The following MITF variants were observed in gnomAD, a reference collection of about 807,000 sequenced individuals.
MITF encodes microphthalmia-associated transcription factor.
In MITF, 17 loss-of-function variants were observed where a neutral mutation model predicts 60.5. The observed-to-expected ratio is 0.28, with a 90% CI of 0.19 to 0.42. The LOEUF (loss-of-function observed/expected upper bound fraction) is 0.42, where lower values mean the gene tolerates loss of function less well. Among genes scored for constraint, MITF ranks in the 10% least tolerant of loss-of-function variants. The pLI, the probability that MITF is intolerant of heterozygous loss-of-function variation, is 1.00. For synonymous variants in MITF, 260 were observed against 248.5 expected (o/e 1.05, Z -0.43); for missense variants, 622 against 683.5 (o/e 0.91, Z 1.00).
chr3:69,936,697 G>A, intron 2 of MITF: 2 of 1,613,312 alleles, frequency 1.2e-6, no homozygotes, highest in South Asian at 1.1e-5. Context: ...GTCTCTCACT[G>A]GATTGGTGCC....
chr3:69,824,457 T>A (rs1158214452), intron 1 of MITF, among the ~76,000 whole-genome samples: 1 of 152,190 alleles, frequency 6.6e-6, no homozygotes, highest in Non-Finnish European at 1.5e-5. Context: ...CCCTTTATTG[T>A]CTGCTCTGTG....
chr3:69,939,076 G>A, intron 3 of MITF, 22 bp from the exon 4 acceptor site: 1 of 1,613,042 alleles, frequency 6.2e-7, no homozygotes, highest in Non-Finnish European at 8.5e-7. Context: ...GTTATAGACT[G>A]TTTTTGCTTG....
intron 1 of MITF, among the ~76,000 whole-genome samples, chr3:69,790,511 A>G (rs1352958826): frequency 6.6e-6 from 1 of 152,190 alleles, no homozygotes; most frequent in East Asian, 1.9e-4. Flanking sequence ...TTTTACCACA[A>G]TTTTAAAAAT....
intron 1 of MITF, among the ~76,000 whole-genome samples, chr3:69,816,161 A>C (rs113441883): frequency 6.6e-6 from 1 of 152,058 alleles, no homozygotes. Flanking sequence ...GTGACATCTC[A>C]CCCTCTGCAT....
At chr3:69,893,050 G>A (rs998027402) in intron 2 of MITF, among the ~76,000 whole-genome samples, 1 of 152,136 alleles carries the variant, frequency 6.6e-6, no homozygotes, top group Non-Finnish European at 1.5e-5. Flanking sequence ...CGTCCAGCAC[G>A]ATGACCAAGT....
At chr3:69,840,727 A>G (rs1274926656) in intron 1 of MITF, among the ~76,000 whole-genome samples, 1 of 151,548 alleles carries the variant, frequency 6.6e-6, no homozygotes, top group African/African-American at 2.4e-5. Flanking sequence ...AAGGTGATTC[A>G]GGATGAAGCA....
At chr3:69,796,844 C>G (rs1196602953) in intron 1 of MITF, among the ~76,000 whole-genome samples, 1 of 152,080 alleles carries the variant, frequency 6.6e-6, no homozygotes, top group Non-Finnish European at 1.5e-5. Context: ...ATATCTATTG[C>G]CTTGACAACA....
chr3:69,800,562 G>A (rs9831839), intron 1 of MITF, among the ~76,000 whole-genome samples: 76,245 of 151,874 alleles, frequency 0.5, 20,759 homozygotes, highest in Non-Finnish European at 0.63. Flanking sequence ...AAACCACTTT[G>A]CATTCCCACC....
At chr3:69,906,651 G>C (rs953523776) in intron 2 of MITF, among the ~76,000 whole-genome samples, 3 of 152,070 alleles carry the variant, frequency 2.0e-5, no homozygotes, top group African/African-American at 7.2e-5. Flanking sequence ...ATTTTACATG[G>C]TCTTTAATCC....
At chr3:69,909,450 G>A (rs2065175252) in intron 2 of MITF, among the ~76,000 whole-genome samples, 1 of 152,208 alleles carries the variant, frequency 6.6e-6, no homozygotes, top group African/African-American at 2.4e-5. Flanking sequence ...AAATGTGGAA[G>A]CGACTTTGGA....
chr3:69,798,316 GT>G (rs1200858146), intron 1 of MITF, among the ~76,000 whole-genome samples: 1 of 152,210 alleles, frequency 6.6e-6, no homozygotes, highest in African/African-American at 2.4e-5. Flanking sequence ...CCTTCTATAT[GT>G]TTTTGTCAGC....
intron 2 of MITF, among the ~76,000 whole-genome samples, chr3:69,915,730 A>G (rs2065319751): frequency 6.6e-6 from 1 of 152,192 alleles, no homozygotes; most frequent in African/African-American, 2.4e-5. Context: ...CAGTACCTCT[A>G]ACACACTGCA....
chr3:69,744,892 G>A (rs962426033), intron 1 of MITF, among the ~76,000 whole-genome samples: 10 of 151,922 alleles, frequency 6.6e-5, no homozygotes, highest in Non-Finnish European at 1.2e-4. Context: ...ATAAAAATTC[G>A]TGTTCAACAC....
chr3:69,943,061 A>G (rs1576015773), intron 5 of MITF, among the ~76,000 whole-genome samples: 2 of 145,534 alleles, frequency 1.4e-5, no homozygotes, highest in South Asian at 2.1e-4. Flanking sequence ...TACTCAATGC[A>G]TTAGCCTCCT....
At chr3:69,775,138 A>G (rs561169187) in intron 1 of MITF, among the ~76,000 whole-genome samples, 1 of 151,988 alleles carries the variant, frequency 6.6e-6, no homozygotes, top group Non-Finnish European at 1.5e-5. Flanking sequence ...TGGTTTCCTA[A>G]TCTTATCCTT....
intron 1 of MITF, among the ~76,000 whole-genome samples, chr3:69,794,968 G>A (rs2062804877): frequency 6.6e-6 from 1 of 152,156 alleles, no homozygotes; most frequent in African/African-American, 2.4e-5. Flanking sequence ...GTGAGTAGTA[G>A]GCTCTGTATG....
intron 1 of MITF, among the ~76,000 whole-genome samples, chr3:69,820,915 G>A (rs892281792): frequency 2.9e-5 from 2 of 68,384 alleles, no homozygotes; most frequent in Non-Finnish European, 4.5e-5. Context: ...ATTTACTCGT[G>A]TGTGTGTGTG....
At position 69,967,527 on chromosome 3, in the gene MITF, C is replaced by T. The variant is rs1192740548; in HGVS notation, c.*2279C>T. On this transcript the variant is annotated 3_prime_UTR_variant, in exon 10 of 10. Transcript: ENST00000352241. ...TAACCTACGGCCACGGGAACAGGAC[C>T]ATGGTTAAGCAACCATATAGAAAGC... The T allele has an allele frequency of 1.3e-5, 3 of 233,370 alleles. No homozygotes were observed. The highest frequency in any genetic ancestry group is 2.5e-5 in the Non-Finnish European group (3 of 117,906). 14.5% of individuals were successfully genotyped at this position (233,370 alleles called of 1,614,324 possible).
intron 1 of MITF, among the ~76,000 whole-genome samples, chr3:69,790,422 A>C (rs2062721546): frequency 1.3e-5 from 2 of 152,218 alleles, no homozygotes; most frequent in Admixed American, 6.5e-5. Flanking sequence ...AACAATGTGA[A>C]TGTAATTAAC....
Sources: allele counts gnomAD v4.1 joint callset (sites outside exome capture counted in the v4.1 genomes callset), GRCh38; gene constraint gnomAD v4.1.1; transcripts MANE v1.5; gene names NCBI Gene and HGNC (gene_info 2026-07-23, HGNC 2026-07-21).